FER1L6: variants seen among roughly 807,000 people sequenced by gnomAD.
The protein encoded by FER1L6 is fer-1 like family member 6, also known as fer-1-like protein 6.
Under a neutral mutation model 219.2 loss-of-function variants are expected in FER1L6, and 177 were observed. The ratio of observed to expected loss-of-function variants is 0.81; its 90% CI spans 0.71 to 0.91. The LOEUF is 0.91. Among genes scored for constraint, FER1L6 ranks in the 40% least tolerant of loss-of-function variants. FER1L6 has a pLI of 0.00. For missense variants in FER1L6, 2,153 were observed against 2,259.9 expected (o/e 0.95, Z 0.96); for synonymous variants, 768 against 824.3 (o/e 0.93, Z 1.17).
chr8:123,969,867 CAA>C (rs369712009), intron 5 of FER1L6, among the ~76,000 whole-genome samples, 166 bp from the exon 6 acceptor site: 98 of 71,948 alleles, frequency 1.4e-3, no homozygotes, highest in Non-Finnish European at 2.1e-3. Flanking sequence ...ACCCTGTCTC[CAA>C]AAAAAAAAAA....
At chr8:124,065,400 C>CAAA (rs60695255) in intron 26 of FER1L6, among the ~76,000 whole-genome samples, 26 of 55,050 alleles carry the variant, frequency 4.7e-4, no homozygotes, top group East Asian at 1.9e-3. Context: ...GCCTCCATCT[C>CAAA]AAAAAAAAAA....
chr8:123,872,850 T>C (rs1816947864), intron 1 of FER1L6, among the ~76,000 whole-genome samples: 1 of 152,228 alleles, frequency 6.6e-6, no homozygotes, highest in South Asian at 2.1e-4. Context: ...AACCTTGTCA[T>C]CCAGTGCTCT....
At chr8:124,080,176 G>A (rs568579450) in intron 32 of FER1L6, among the ~76,000 whole-genome samples, 12 of 152,170 alleles carry the variant, frequency 7.9e-5, no homozygotes, top group East Asian at 5.8e-4. Context: ...TGCTTTCACC[G>A]TCTCAGTTTT....
intron 39 of FER1L6, among the ~76,000 whole-genome samples, chr8:124,105,088 C>A (rs1360618164): frequency 6.6e-6 from 1 of 152,204 alleles, no homozygotes; most frequent in African/African-American, 2.4e-5. Flanking sequence ...TTACCCAATG[C>A]AGGGATTTCT....
intron 1 of FER1L6, among the ~76,000 whole-genome samples, chr8:123,859,095 A>G (rs11997589): frequency 0.024 from 3,680 of 151,902 alleles, 140 homozygotes; most frequent in African/African-American, 0.084. Flanking sequence ...TGCCTCCTGG[A>G]CTCAAGCAAT....
intron 28 of FER1L6, among the ~76,000 whole-genome samples, chr8:124,068,865 A>G (rs1440759954): frequency 2.6e-5 from 4 of 151,912 alleles, no homozygotes; most frequent in Non-Finnish European, 4.4e-5. Flanking sequence ...CAGTGTACAG[A>G]CTGTATGTAA....
At chr8:123,965,606 A>T (rs1815501869) in intron 3 of FER1L6, among the ~76,000 whole-genome samples, 3 of 152,362 alleles carry the variant, frequency 2.0e-5, no homozygotes, top group Admixed American at 2.0e-4. Flanking sequence ...CTGTGTATGG[A>T]ATCAGGCAGG....
At chr8:124,049,043 CT>C (rs11288786) in intron 21 of FER1L6, among the ~76,000 whole-genome samples, 37,866 of 146,354 alleles carry the variant, frequency 0.26, 4,859 homozygotes, top group East Asian at 0.43. Flanking sequence ...CCCCCACCAC[CT>C]TTTTTTTTTT....
At chr8:123,894,505 G>A (rs977922186) in intron 1 of FER1L6, among the ~76,000 whole-genome samples, 28 of 152,180 alleles carry the variant, frequency 1.8e-4, no homozygotes, top group Non-Finnish European at 4.4e-5. Flanking sequence ...TAAATCATGA[G>A]AAATTGCTCT....
chr8:124,096,162 T>C (rs188837435), intron 35 of FER1L6, among the ~76,000 whole-genome samples: 2 of 152,230 alleles, frequency 1.3e-5, no homozygotes, highest in South Asian at 4.1e-4. Flanking sequence ...CTTATGATTG[T>C]TTCCTGAAAT....
intron 1 of FER1L6, among the ~76,000 whole-genome samples, chr8:123,940,310 A>G (rs892936461): frequency 1.3e-5 from 2 of 151,970 alleles, no homozygotes; most frequent in Admixed American, 6.6e-5. Flanking sequence ...TGGTAAGGGC[A>G]TTATTCCTGG....
intron 1 of FER1L6, among the ~76,000 whole-genome samples, chr8:123,891,317 T>C (rs1313610972): frequency 6.6e-6 from 1 of 152,254 alleles, no homozygotes; most frequent in African/African-American, 2.4e-5. Context: ...AAGAAATTAC[T>C]GTGTGCTTGT....
chr8:124,070,656 G>A (rs1464824486), intron 30 of FER1L6, 58 bp downstream of exon 30: 5 of 1,442,846 alleles, frequency 3.5e-6, no homozygotes. Context: ...TGTCAGCTAT[G>A]ACTCGATTCT....
chr8:123,966,533 ACG>A (rs1815549666), intron 5 of FER1L6, among the ~76,000 whole-genome samples: 1 of 152,306 alleles, frequency 6.6e-6, no homozygotes, highest in South Asian at 2.1e-4. Flanking sequence ...TTTTCAACAT[ACG>A]TTTTCTTATT....
chr8:124,051,326 CTAAAAGG>C (rs1025260835), intron 22 of FER1L6, among the ~76,000 whole-genome samples: 7 of 152,012 alleles, frequency 4.6e-5, no homozygotes, highest in African/African-American at 1.5e-4. Flanking sequence ...GTTGATCTGA[CTAAAAGG>C]TAAAGTACCA....
chr8:124,067,284 C>G (rs1189737988), intron 27 of FER1L6, among the ~76,000 whole-genome samples: 1 of 152,182 alleles, frequency 6.6e-6, no homozygotes, highest in Non-Finnish European at 1.5e-5. Context: ...AAATGTTAGT[C>G]CCTGCCTGCA....
chr8:124,040,816 T>C (rs891809578), intron 20 of FER1L6: 1 of 152,250 alleles, frequency 6.6e-6, no homozygotes, highest in Admixed American at 6.5e-5. Flanking sequence ...GACAGCCTAT[T>C]AATCATAGAT....
intron 18 of FER1L6, among the ~76,000 whole-genome samples, chr8:124,030,358 CTAATT>C (rs1269096312): frequency 1.3e-5 from 2 of 152,094 alleles, no homozygotes; most frequent in African/African-American, 2.4e-5. Context: ...TCCTTTTTCT[CTAATT>C]TAAACATATT....
intron 1 of FER1L6, among the ~76,000 whole-genome samples, chr8:123,866,689 C>G (rs1308634141): frequency 6.6e-6 from 1 of 152,184 alleles, no homozygotes; most frequent in African/African-American, 2.4e-5. Flanking sequence ...TGCTATCTAG[C>G]TCACTGCAGC....
Sources: allele counts gnomAD v4.1 joint callset (sites outside exome capture counted in the v4.1 genomes callset), GRCh38; gene constraint gnomAD v4.1.1; transcripts MANE v1.5; gene names NCBI Gene and HGNC (gene_info 2026-07-23, HGNC 2026-07-21).